NUP85: variants seen among roughly 807,000 people sequenced by gnomAD.
The protein encoded by NUP85 is nucleoporin 85.
Under a neutral mutation model 92.8 loss-of-function variants are expected in NUP85, and 23 were observed. That is an observed-to-expected ratio of 0.25 (90% CI 0.18 to 0.35). The LOEUF (loss-of-function observed/expected upper bound fraction) is 0.35, where lower values mean the gene tolerates loss of function less well. NUP85 is among the 10% of genes least tolerant of loss of function. The pLI, the probability that NUP85 is intolerant of heterozygous loss-of-function variation, is 1.00. For synonymous variants in NUP85, 314 were observed against 306.9 expected (o/e 1.02, Z -0.24); for missense variants, 759 against 822.8 (o/e 0.92, Z 0.95).
intron 1 of NUP85, 32 bp from the exon 2 acceptor site, chr17:75,208,495 T>A: frequency 8.6e-7 from 1 of 1,158,176 alleles, no homozygotes; most frequent in East Asian, 2.3e-5. Context: ...AGAACATTTT[T>A]CATTTTAGAT....
At position 75,234,158 on chromosome 17, in the gene NUP85, T is replaced by G. The variant is rs372089947; in HGVS notation, c.1616-479T>G. Among the ~76,000 whole-genome samples the G allele has an allele frequency of 6.2e-4, 94 of 151,772 alleles. 3 individuals are homozygous for G. Among genetic ancestry groups the G allele is most frequent in the African/African-American group, 2.2e-3 (92 of 41,378 alleles). On this transcript the variant is annotated intron_variant, in intron 16 of 18. Transcript: ENST00000245544. ...CCTCCACCTCCCGGGTTCAAGCCAT[T>G]CTTCCTCCTCAGCCTCCTGAGTAGC... is the stretch of plus-strand genomic sequence containing the variant.
intron 11 of NUP85, 21 bp downstream of exon 11, chr17:75,226,178 C>T (rs147215106): frequency 5.0e-6 from 8 of 1,592,790 alleles, no homozygotes; most frequent in South Asian, 3.3e-5. Flanking sequence ...TCCCACCCCC[C>T]ACTGTAACCA....
At position 75,232,563 on chromosome 17, in the gene NUP85, GA is replaced by G. The variant is rs2076109794; in HGVS notation, c.1397-287del. The stretch of plus-strand genomic sequence containing the variant: ...TGACACGTAGGGAGAAACACGTAGG[GA>G]GAAAAAAAATAGAAGAGCTGACATG... On this transcript the variant is annotated intron_variant, in intron 14 of 18. Coordinates refer to ENST00000245544, the MANE Select transcript of NUP85 (RefSeq NM_024844.5). Among the ~76,000 whole-genome samples, 6 of 152,006 alleles carry G rather than the reference GA, an allele frequency of 3.9e-5. No individual in the cohort carries two copies. The South Asian group carries it at 1.2e-3, about 32-fold the overall frequency.
rs762548589 is a variant in NUP85 at position 75,231,816 on chromosome 17, G to A, written c.1245-12G>A. 73 of 1,613,678 alleles carry A rather than the reference G, an allele frequency of 4.5e-5. No homozygotes were observed. Among genetic ancestry groups the A allele is most frequent in the Admixed American group, 8.3e-5 (5 of 59,968 alleles). ...GCAGCACCTCATGTCTGTCCTCCTC[G>A]AACCTTTGCAGCCTGTGGCAGCTGG... On this transcript the variant is annotated splice_polypyrimidine_tract_variant and intron_variant, in intron 13 of 18. Coordinates refer to ENST00000245544, the MANE Select transcript of NUP85 (RefSeq NM_024844.5). The surrounding 1 kb of genome is among the most constrained non-coding windows in gnomAD (Gnocchi z 4.6).
At chr17:75,214,564 G>A (rs2075370424) in intron 5 of NUP85, among the ~76,000 whole-genome samples, 1 of 152,122 alleles carries the variant, frequency 6.6e-6, no homozygotes, top group Admixed American at 6.6e-5. Context: ...TAAAGCATCA[G>A]TTCATCAAGA....
At chr17:75,230,763 G>A (rs912390291) in intron 11 of NUP85, among the ~76,000 whole-genome samples, 1 of 152,066 alleles carries the variant, frequency 6.6e-6, no homozygotes, top group Non-Finnish European at 1.5e-5. Context: ...ACATTCAAAA[G>A]CTACTTTCTA....
intron 7 of NUP85, among the ~76,000 whole-genome samples, chr17:75,224,086 T>C (rs9915379): frequency 0.98 from 149,199 of 152,240 alleles, 73,196 homozygotes; most frequent in East Asian, 1. Context: ...CACTCTGTCA[T>C]CCAGGCTGGA....
intron 2 of NUP85, among the ~76,000 whole-genome samples, chr17:75,209,200 G>C (rs2075181200): frequency 6.6e-6 from 1 of 152,026 alleles, no homozygotes; most frequent in Non-Finnish European, 1.5e-5. Flanking sequence ...CCTTGCAGAT[G>C]CTTGGCCGTC....
At chr17:75,222,388 A>G (rs79789380) in intron 7 of NUP85, among the ~76,000 whole-genome samples, 19,589 of 151,868 alleles carry the variant, frequency 0.13, 1,490 homozygotes, top group Middle Eastern at 0.23. Flanking sequence ...CTAAGTGGAG[A>G]TGTTGACTAG....
At chr17:75,221,198 TTTTA>T (rs1406407899) in intron 7 of NUP85, among the ~76,000 whole-genome samples, 4 of 150,050 alleles carry the variant, frequency 2.7e-5, no homozygotes, top group African/African-American at 7.4e-5. Context: ...TATTTTTTAT[TTTTA>T]TTTATTTATT....
In NUP85 at chr17:75,231,659, G is replaced by A. The variant is rs376815821; in HGVS notation, c.1244+21G>A. 52 of 1,613,308 alleles carry A rather than the reference G, an allele frequency of 3.2e-5. No individual in the cohort carries two copies. In the Admixed American group the frequency reaches 8.5e-4, roughly 26 times the overall value. ...CCCAGGTAGGAAGGACCCCATGGGT[G>A]TGGGCTATGCGGGTGCTCTTCAGCA... On this transcript the variant is annotated intron_variant, in intron 13 of 18. Transcript: ENST00000245544. This position sits in a 1 kb window ranked among gnomAD's most constrained non-coding sequence, Gnocchi z 4.6.
At chr17:75,219,372 G>A (rs1380261856) in intron 7 of NUP85, among the ~76,000 whole-genome samples, 1 of 152,010 alleles carries the variant, frequency 6.6e-6, no homozygotes, top group Non-Finnish European at 1.5e-5. Flanking sequence ...GATTTCCTGG[G>A]CTCAAGCAAT....
chr17:75,230,362 G>GTT (rs776931400), intron 11 of NUP85, among the ~76,000 whole-genome samples: 22,260 of 72,902 alleles, frequency 0.31, 1,990 homozygotes, highest in Middle Eastern at 0.44. Context: ...CATGTTTTTT[G>GTT]TTTTTTTTTT....
intron 3 of NUP85, among the ~76,000 whole-genome samples, chr17:75,210,548 G>T (rs150440891): frequency 1.3e-5 from 2 of 152,182 alleles, no homozygotes; most frequent in Non-Finnish European, 2.9e-5. Flanking sequence ...AAGAACTCCT[G>T]TGTTAGATTT....
chr17:75,231,236 C>A lies in NUP85; in HGVS notation c.1095-104C>A. ...GAGCTATCATCACGCCCGGCCCCAT[C>A]TCTTTGAGGGACAGGACATGTGGGG... On this transcript the variant is annotated intron_variant, in intron 11 of 18. Coordinates refer to ENST00000245544, the MANE Select transcript of NUP85 (RefSeq NM_024844.5). This position sits in a 1 kb window ranked among gnomAD's most constrained non-coding sequence, Gnocchi z 4.6. The A allele has an allele frequency of 1.8e-6, 2 of 1,100,220 alleles. No homozygotes were observed. The highest frequency in any genetic ancestry group is 2.8e-6 in the Non-Finnish European group (2 of 727,146). The allele number at this position is 1,100,220 out of a possible 1,614,324, so 68.2% of individuals were successfully genotyped here.
intron 7 of NUP85, 129 bp from the exon 8 acceptor site, chr17:75,224,974 T>G: frequency 1.1e-6 from 1 of 871,964 alleles, no homozygotes; most frequent in Admixed American, 3.1e-5. Flanking sequence ...CAGGGCAGAC[T>G]CAGGTGCAGA....
At chr17:75,234,052 CTTTTTT>C (rs10716628) in intron 16 of NUP85, among the ~76,000 whole-genome samples, 12 of 118,040 alleles carry the variant, frequency 1.0e-4, no homozygotes, top group Admixed American at 1.7e-4. Flanking sequence ...CATGTTTCTT[CTTTTTT>C]TTTTTTTTTT....
At chr17:75,213,010 A>G in intron 4 of NUP85, 66 bp from the exon 5 acceptor site, 1 of 1,433,282 alleles carries the variant, frequency 7.0e-7, no homozygotes, top group Non-Finnish European at 9.7e-7. Flanking sequence ...AGACCCTGGA[A>G]TATTCAGCTA....
At chr17:75,233,381 CTCTT>C (rs1178345599) in intron 16 of NUP85, among the ~76,000 whole-genome samples, 54 of 60,270 alleles carry the variant, frequency 9.0e-4, no homozygotes, top group Middle Eastern at 8.2e-3. Flanking sequence ...CTTTCTTTCT[CTCTT>C]TCTTTCTCTT....
Sources: gnomAD v4.1 joint callset for allele counts (sites outside exome capture counted in the v4.1 genomes callset) on GRCh38, gnomAD v4.1.1 for gene constraint, Gnocchi (gnomAD v3.1) non-coding constraint, MANE v1.5 for transcripts, NCBI Gene and HGNC (gene_info 2026-07-23, HGNC 2026-07-21) for gene names.